FAM20A: variants seen among roughly 807,000 people sequenced by gnomAD.
FAM20A encodes the protein FAM20A golgi associated secretory pathway pseudokinase.
FAM20A carries 42 observed loss-of-function variants against 52.0 expected under a neutral mutation model. The observed-to-expected ratio is 0.81, with a 90% CI of 0.63 to 1.04. FAM20A has a LOEUF of 1.04. Ranked by LOEUF, FAM20A falls within the 50% of genes least tolerant of loss-of-function variation. The pLI, the probability that FAM20A is intolerant of heterozygous loss-of-function variation, is 0.00. For synonymous variants in FAM20A, 304 were observed against 298.9 expected, an observed-to-expected ratio of 1.02 and a Z score of -0.18; for missense variants, 742 against 712.7, an observed-to-expected ratio of 1.04 and a Z score of -0.47.
At chr17:68,540,372 C>A (rs572336051) in intron 8 of FAM20A, among the ~76,000 whole-genome samples, 9 of 152,312 alleles carry the variant, frequency 5.9e-5, no homozygotes, top group African/African-American at 1.9e-4. Context: ...CGATGATGAG[C>A]CAGCTGTCTG....
chr17:68,599,639 G>A (rs1388686041), intron 1 of FAM20A, among the ~76,000 whole-genome samples: 1 of 152,160 alleles, frequency 6.6e-6, no homozygotes, highest in Non-Finnish European at 1.5e-5. Flanking sequence ...GGCCCAAGCC[G>A]CGTTTTAAAT....
At chr17:68,577,505 G>A (rs2087808297) in intron 1 of FAM20A, among the ~76,000 whole-genome samples, 1 of 152,248 alleles carries the variant, frequency 6.6e-6, no homozygotes, top group Admixed American at 6.5e-5. Flanking sequence ...GTCATAGTTG[G>A]TGGGGAGAGT....
At chr17:68,539,787 G>T (rs935602497) in intron 9 of FAM20A, 98 bp downstream of exon 9, 3 of 1,078,540 alleles carry the variant, frequency 2.8e-6, no homozygotes, top group Non-Finnish European at 4.2e-6. Context: ...GGTGGTGGAG[G>T]CCCTCATTTG....
Position 68,536,764 on chromosome 17 carries a change from T to C in FAM20A, c.*713A>G, listed in dbSNP as rs772367244. The C allele has an allele frequency of 4.4e-6, 2 of 454,152 alleles. No homozygotes were observed. The highest frequency in any genetic ancestry group is 3.1e-5 in the South Asian group (2 of 64,480). 28.1% of individuals were successfully genotyped at this position (454,152 alleles called of 1,614,324 possible). A position where few individuals can be genotyped will look rare whatever the true frequency, so the allele number is the denominator to read the frequency against. ...TTTTTCCTTCGTTGTAATTATTTAT[T>C]CTGTTACTGGCTGCTTAGTGTGACA... On this transcript the variant is annotated 3_prime_UTR_variant, in exon 11 of 11. Coordinates refer to ENST00000592554, the MANE Select transcript of FAM20A (RefSeq NM_017565.4).
chr17:68,599,361 T>C (rs1006421187), intron 1 of FAM20A, among the ~76,000 whole-genome samples: 3 of 152,246 alleles, frequency 2.0e-5, no homozygotes, highest in African/African-American at 7.2e-5. Context: ...CCTTAACTCA[T>C]ACGAAGGCTT....
intron 1 of FAM20A, among the ~76,000 whole-genome samples, chr17:68,599,363 CGAAGG>C (rs2088545642): frequency 6.6e-6 from 1 of 152,314 alleles, no homozygotes; most frequent in South Asian, 2.1e-4. Context: ...TTAACTCATA[CGAAGG>C]CTTCCTGCCA....
At chr17:68,594,618 G>T (rs1357861552) in intron 1 of FAM20A, among the ~76,000 whole-genome samples, 2 of 152,118 alleles carry the variant, frequency 1.3e-5, no homozygotes, top group African/African-American at 4.8e-5. Context: ...AAAAAAATCT[G>T]CTTCCAAGCT....
At position 68,600,891 on chromosome 17, in the gene FAM20A, C is replaced by T. The variant is rs2088606742; in HGVS notation, c.-225G>A. On this transcript the variant is annotated 5_prime_UTR_variant, in exon 1 of 11. Coordinates refer to ENST00000592554, the MANE Select transcript of FAM20A (RefSeq NM_017565.4). The surrounding 1 kb of genome is among the most constrained non-coding windows in gnomAD (Gnocchi z 6.2). ...CGGGGCTCTCGGAGTCAGCGGGCGTCGCTTCTCCGCGCCGAGTGAGCCGAG... is the reference window on the plus strand; with the variant it reads ...CGGGGCTCTCGGAGTCAGCGGGCGTTGCTTCTCCGCGCCGAGTGAGCCGAG... 1.8e-5 allele frequency: 9 copies of T among 498,160 alleles called. No homozygotes were observed. The highest frequency in any genetic ancestry group is 2.0e-5 in the African/African-American group (1 of 48,884). 30.9% of individuals were successfully genotyped at this position (498,160 alleles called of 1,614,324 possible).
intron 3 of FAM20A, among the ~76,000 whole-genome samples, chr17:68,552,369 A>G (rs2143670581): frequency 6.6e-6 from 1 of 152,334 alleles, no homozygotes; most frequent in Non-Finnish European, 1.5e-5. Flanking sequence ...TGTTTCAACT[A>G]CATCTTTGTA....
In FAM20A at chr17:68,539,491, A is replaced by T. The variant is rs2086196559; in HGVS notation, c.1302-95T>A. On this transcript the variant is annotated intron_variant, in intron 9 of 10. Transcript: ENST00000592554. ...CCTCTCAGCATTTTGTGAATCAGAGATTGGGGTAAAATGCCAGGGATCATG... is the reference window on the plus strand; with the variant it reads ...CCTCTCAGCATTTTGTGAATCAGAGTTTGGGGTAAAATGCCAGGGATCATG... The T allele has an allele frequency of 9.4e-6, 11 of 1,166,342 alleles. No individual in the cohort carries two copies. The South Asian group carries it at 1.4e-4, about 14-fold the overall frequency. The allele number at this position is 1,166,342 out of a possible 1,614,324, so 72.2% of individuals were successfully genotyped here.
chr17:68,563,579 T>C (rs1354818395), intron 1 of FAM20A, among the ~76,000 whole-genome samples: 7 of 151,748 alleles, frequency 4.6e-5, no homozygotes, highest in African/African-American at 2.4e-5. Flanking sequence ...TAGGGGCTTT[T>C]TTTTTTCTTA....
intron 5 of FAM20A, 63 bp from the exon 6 acceptor site, chr17:68,542,872 G>A (rs2086371697): frequency 8.4e-6 from 11 of 1,312,506 alleles, no homozygotes; most frequent in South Asian, 1.2e-5. Flanking sequence ...GAGGGGTTTT[G>A]TCCCCCGGCC....
chr17:68,542,089 C>G lies in FAM20A; in HGVS notation c.1005G>C (p.Leu335=). The G allele has an allele frequency of 6.2e-7, 1 of 1,613,974 alleles. No homozygotes were observed. Among genetic ancestry groups the G allele is most frequent in the Non-Finnish European group, 8.5e-7 (1 of 1,179,880 alleles). ...GGAAGGCAGAGAGGGAACCCTCCAG[C>G]AGGTGTGGGTTGCCACAGACAGCAT... The part of the protein sequence containing the change: ...TEYAVCGNPH[L]LEGSLSAFLP... Residue 335 remains leucine, a synonymous_variant, in exon 7 of 11, where the codon CTG becomes CTC. Coordinates refer to ENST00000592554, the MANE Select transcript of FAM20A (RefSeq NM_017565.4).
chr17:68,553,562 G>A (rs771339992), intron 3 of FAM20A, among the ~76,000 whole-genome samples: 1 of 152,084 alleles, frequency 6.6e-6, no homozygotes, highest in Non-Finnish European at 1.5e-5. Context: ...CTGGAGGGGA[G>A]CTCTGCCACT....
intron 1 of FAM20A, among the ~76,000 whole-genome samples, chr17:68,566,304 C>T (rs536895468): frequency 1.3e-5 from 2 of 152,304 alleles, no homozygotes; most frequent in African/African-American, 4.8e-5. Flanking sequence ...CAACTTTGTG[C>T]CTCGTCCAAA....
chr17:68,555,994 ATACT>A (rs1376996382), intron 1 of FAM20A, among the ~76,000 whole-genome samples: 1 of 152,216 alleles, frequency 6.6e-6, no homozygotes, highest in African/African-American at 2.4e-5. Context: ...TCATACACAA[ATACT>A]TAATTACAAA....
At chr17:68,551,172 C>A in intron 4 of FAM20A, 1 of 1,210,632 alleles carries the variant, frequency 8.3e-7, no homozygotes, top group Non-Finnish European at 1.0e-6. Context: ...GGCTGCAGAT[C>A]CTTTGGGGGC....
intron 1 of FAM20A, among the ~76,000 whole-genome samples, chr17:68,578,005 C>CCACACA (rs752788424): frequency 1.0e-4 from 15 of 149,666 alleles, no homozygotes; most frequent in Middle Eastern, 3.4e-3. Flanking sequence ...ATTTCACACA[C>CCACACA]CACACACACA....
chr17:68,537,772 A>C lies in FAM20A; in HGVS notation c.1362-31T>G. 6.3e-7 allele frequency: 1 copy of C among 1,593,220 alleles called. No homozygotes were observed. Among genetic ancestry groups the C allele is most frequent in the Non-Finnish European group, 8.6e-7 (1 of 1,168,998 alleles). ...AAGACAAAGTTACAGGAACCAAATA[A>C]GCAAATGTAAAGAAAATAACTTGCC... On this transcript the variant is annotated intron_variant, in intron 10 of 10. Transcript: ENST00000592554. The surrounding 1 kb of genome is among the most constrained non-coding windows in gnomAD (Gnocchi z 4.2).
Sources: allele counts gnomAD v4.1 joint callset (sites outside exome capture counted in the v4.1 genomes callset), GRCh38; gene constraint gnomAD v4.1.1; non-coding constraint Gnocchi (gnomAD v3.1); transcripts MANE v1.5; gene names NCBI Gene and HGNC (gene_info 2026-07-23, HGNC 2026-07-21).